CSMD3: variants seen among roughly 807,000 people sequenced by gnomAD.
CSMD3 encodes CUB and sushi domain-containing protein 3.
A neutral mutation model predicts 435.2 loss-of-function variants in CSMD3; 177 were observed. The ratio of observed to expected loss-of-function variants is 0.41; its 90% confidence interval spans 0.36 to 0.46. The LOEUF (loss-of-function observed/expected upper bound fraction) is 0.46. Ranked by LOEUF, CSMD3 falls within the 20% of genes least tolerant of loss-of-function variation. The pLI is 0.34. For missense variants in CSMD3, 4,265 were observed against 4,504.6 expected, an observed-to-expected ratio of 0.95 and a Z score of 1.52; for synonymous variants, 1,656 against 1,520.5, an observed-to-expected ratio of 1.09 and a Z score of -2.07.
In CSMD3 at chr8:112,913,299, T is replaced by C. The variant is rs187260419; in HGVS notation, c.1633+8328A>G. Among the ~76,000 whole-genome samples, 3 of 151,962 alleles carry C rather than the reference T, an allele frequency of 2.0e-5. No individual in the cohort carries two copies. In the East Asian group the frequency reaches 5.9e-4, roughly 30 times the overall value. ...AGATTCTCATAAGGAGCATGCAAACTAGATCCCTCACATGCACAGTTCACA... is the reference window on the plus strand; with the variant it reads ...AGATTCTCATAAGGAGCATGCAAACCAGATCCCTCACATGCACAGTTCACA... On this transcript the variant is annotated intron_variant, in intron 10 of 70. Transcript: ENST00000297405.
intron 13 of CSMD3, among the ~76,000 whole-genome samples, chr8:112,752,798 C>CA (rs1039833155): frequency 6.6e-6 from 1 of 151,970 alleles, no homozygotes. Context: ...GTTGAGGTAA[C>CA]AACCTCCAAA....
At chr8:112,971,349 G>C (rs547540388) in intron 7 of CSMD3, among the ~76,000 whole-genome samples, 117 of 152,104 alleles carry the variant, frequency 7.7e-4, no homozygotes, top group Middle Eastern at 6.8e-3. Flanking sequence ...TGTGACTTTG[G>C]GAATTGAACT....
At chr8:112,664,586 A>C (rs1586921614) in intron 17 of CSMD3, among the ~76,000 whole-genome samples, 1 of 152,162 alleles carries the variant, frequency 6.6e-6, no homozygotes, top group Non-Finnish European at 1.5e-5. Context: ...TTGTGGGCTA[A>C]ATTGTGTTCC....
At chr8:112,619,599 G>A (rs958069833) in intron 22 of CSMD3, among the ~76,000 whole-genome samples, 1 of 151,998 alleles carries the variant, frequency 6.6e-6, no homozygotes. Context: ...ATTTGCATCT[G>A]TGGCCACCTT....
intron 38 of CSMD3, among the ~76,000 whole-genome samples, chr8:112,361,702 T>C (rs1827257666): frequency 6.7e-6 from 1 of 149,306 alleles, no homozygotes; most frequent in Admixed American, 6.7e-5. Context: ...GTTTAATTAC[T>C]GCTAAGACAC....
intron 10 of CSMD3, among the ~76,000 whole-genome samples, chr8:112,892,516 A>C (rs1156591651): frequency 6.6e-6 from 1 of 151,604 alleles, no homozygotes; most frequent in East Asian, 2.0e-4. Context: ...CCTTCAATAA[A>C]AGGAAGAATA....
At position 112,299,735 on chromosome 8, in the gene CSMD3, C is replaced by T. The variant is rs577298899; in HGVS notation, c.8440+2058G>A. Reference sequence around the variant, plus strand: ...CACAAACTAGTTGAGAAGAATGAAACCTTAAGGTCAATTCACAGTGTAATA... The same window carrying T: ...CACAAACTAGTTGAGAAGAATGAAATCTTAAGGTCAATTCACAGTGTAATA... On this transcript the variant is annotated intron_variant, in intron 53 of 70. Transcript: ENST00000297405. Among the ~76,000 whole-genome samples, 12 of 152,152 alleles carry T rather than the reference C, an allele frequency of 7.9e-5. No individual in the cohort carries two copies. In the East Asian group the frequency reaches 2.3e-3, roughly 29 times the overall value.
intron 30 of CSMD3, among the ~76,000 whole-genome samples, chr8:112,494,770 T>C (rs567348819): frequency 1.3e-5 from 2 of 152,056 alleles, no homozygotes; most frequent in Non-Finnish European, 2.9e-5. Context: ...TAAAAAGTGG[T>C]ATCTAAAGTG....
chr8:112,471,545 T>C (rs1161726393), intron 32 of CSMD3, among the ~76,000 whole-genome samples: 1 of 152,144 alleles, frequency 6.6e-6, no homozygotes, highest in Non-Finnish European at 1.5e-5. Context: ...AATAAAAGGT[T>C]TAGTACTACA....
chr8:112,755,349 T>TAATAAG (rs1554671616), intron 13 of CSMD3, among the ~76,000 whole-genome samples: 1 of 146,634 alleles, frequency 6.8e-6, no homozygotes, highest in Non-Finnish European at 1.5e-5. Flanking sequence ...ATAATAATAA[T>TAATAAG]AATAATAATA....
chr8:113,063,926 A>G (rs1161502600), intron 5 of CSMD3, among the ~76,000 whole-genome samples: 2 of 151,766 alleles, frequency 1.3e-5, no homozygotes, highest in African/African-American at 4.8e-5. Flanking sequence ...ATAATACAAT[A>G]AAATTCCTTT....
At chr8:113,009,423 C>T (rs1047499633) in intron 6 of CSMD3, among the ~76,000 whole-genome samples, 1 of 151,714 alleles carries the variant, frequency 6.6e-6, no homozygotes, top group Non-Finnish European at 1.5e-5. Context: ...CAGAACAATA[C>T]TTGTATGAAG....
chr8:112,494,533 TTCTTTCTTTCTTTC>T (rs1821105251), intron 30 of CSMD3, among the ~76,000 whole-genome samples: 1 of 143,106 alleles, frequency 7.0e-6, no homozygotes, highest in Non-Finnish European at 1.5e-5. Flanking sequence ...CTTTCTTTCT[TTCTTTCTTTCTTTC>T]TTTCTTTCTT....
intron 13 of CSMD3, among the ~76,000 whole-genome samples, chr8:112,747,777 C>T (rs1156755636): frequency 6.6e-6 from 1 of 151,916 alleles, no homozygotes; most frequent in African/African-American, 2.4e-5. Flanking sequence ...AGATCGAGAC[C>T]ACGGTGAAAC....
At chr8:112,841,767 T>A (rs2080184284) in intron 11 of CSMD3, among the ~76,000 whole-genome samples, 1 of 151,364 alleles carries the variant, frequency 6.6e-6, no homozygotes, top group Non-Finnish European at 1.5e-5. Flanking sequence ...ACTGAAGAGG[T>A]CTTAGCAGGA....
chr8:112,636,161 T>C (rs1386251380), intron 22 of CSMD3, among the ~76,000 whole-genome samples: 1 of 152,110 alleles, frequency 6.6e-6, no homozygotes, highest in Non-Finnish European at 1.5e-5. Flanking sequence ...TTTTTCTTTT[T>C]ATCAGTCAAA....
rs764316871 is a variant in CSMD3, at chr8:112,689,829, T to A, written c.2155+39A>T. 1.4e-5 allele frequency: 22 copies of A among 1,560,124 alleles called. No individual in the cohort carries two copies. In the Admixed American group the frequency reaches 3.7e-4, roughly 26 times the overall value. On this transcript the variant is annotated intron_variant, in intron 14 of 70. Coordinates refer to ENST00000297405, the MANE Select transcript of CSMD3 (RefSeq NM_198123.2). ...AAAGCAATTATATGCAAGGACAGGG[T>A]AACATATGCTATCTGGAAGCAAAGC...
chr8:113,183,322 ATAATT>A (rs757008008), intron 3 of CSMD3, among the ~76,000 whole-genome samples: 17 of 152,036 alleles, frequency 1.1e-4, no homozygotes, highest in Admixed American at 8.5e-4. Context: ...GATGACTCAT[ATAATT>A]TATTTGGCTA....
At chr8:112,754,620 GAAGTGACTTT>G (rs1244983802) in intron 13 of CSMD3, among the ~76,000 whole-genome samples, 1 of 152,176 alleles carries the variant, frequency 6.6e-6, no homozygotes, top group African/African-American at 2.4e-5. Context: ...GTCAGGATGG[GAAGTGACTTT>G]AAGCATTCAG....
Sources: allele counts gnomAD v4.1 joint callset (sites outside exome capture counted in the v4.1 genomes callset), GRCh38; gene constraint gnomAD v4.1.1; transcripts MANE v1.5; gene names NCBI Gene and HGNC (gene_info 2026-07-23, HGNC 2026-07-21).